IRAK1BP1: variants seen among roughly 807,000 people sequenced by gnomAD.
The protein encoded by IRAK1BP1 is interleukin 1 receptor associated kinase 1 binding protein 1, also known as interleukin-1 receptor-associated kinase 1-binding protein 1.
IRAK1BP1 carries 24 observed loss-of-function variants against 28.0 expected under a neutral mutation model. The observed-to-expected ratio is 0.86, with a 90% CI of 0.62 to 1.20. The LOEUF is 1.20. IRAK1BP1 is among the 50% of genes most tolerant of loss of function. The probability of loss-of-function intolerance (pLI) is 0.00; values close to 1 mark genes in which losing one functional copy is unlikely to be tolerated. For missense variants in IRAK1BP1, 336 were observed against 316.7 expected (o/e 1.06, Z -0.46); for synonymous variants, 131 against 116.3 (o/e 1.13, Z -0.81).
intron 4 of IRAK1BP1, among the ~76,000 whole-genome samples, chr6:78,932,181 G>A (rs529184156): frequency 5.6e-4 from 85 of 152,150 alleles, no homozygotes; most frequent in African/African-American, 2.0e-3. Flanking sequence ...CTATTTCCAT[G>A]TCTGCAGTGA....
At chr6:78,891,391 T>A (rs1771655412) in intron 2 of IRAK1BP1, among the ~76,000 whole-genome samples, 1 of 152,202 alleles carries the variant, frequency 6.6e-6, no homozygotes, top group Non-Finnish European at 1.5e-5. Context: ...AATCCTAGCT[T>A]TGTGATTCCT....
the IRAK1BP1 span, among the ~76,000 whole-genome samples, chr6:78,973,789 A>G: frequency 3.3e-5 from 5 of 151,988 alleles, no homozygotes; most frequent in African/African-American, 1.2e-4. Context: ...AGGCCATTAC[A>G]TAATGGTAAA....
At chr6:78,879,750 C>G (rs9361460) in intron 1 of IRAK1BP1, among the ~76,000 whole-genome samples, 71,275 of 152,010 alleles carry the variant, frequency 0.47, 17,131 homozygotes, top group East Asian at 0.69. Flanking sequence ...GTCAGTAGTA[C>G]ATGTCAGTCC....
At chr6:78,965,689 T>C in the IRAK1BP1 span, 2 of 1,452,378 alleles carry the variant, frequency 1.4e-6, no homozygotes, top group Middle Eastern at 1.8e-4. Context: ...ACAAAAAGCC[T>C]AACACACACT....
chr6:78,887,175 C>T, intron 2 of IRAK1BP1, among the ~76,000 whole-genome samples: 1 of 152,094 alleles, frequency 6.6e-6, no homozygotes, highest in South Asian at 2.1e-4. Context: ...TAGACTTATA[C>T]AACTCAGTAG....
chr6:78,963,088 T>G, the IRAK1BP1 span: 1 of 1,575,152 alleles, frequency 6.3e-7, no homozygotes, highest in South Asian at 1.2e-5. Context: ...CGCGTGTTGC[T>G]TTACTTACCT....
chr6:78,946,263 G>A (rs780190546), exon 5 of IRAK1BP1: 2 of 1,610,196 alleles, frequency 1.2e-6, no homozygotes, highest in South Asian at 2.2e-5. Flanking sequence ...TTTCAGGGCT[G>A]TAAATAAAAT....
At chr6:78,930,578 T>C (rs1773016190) in intron 4 of IRAK1BP1, among the ~76,000 whole-genome samples, 1 of 152,150 alleles carries the variant, frequency 6.6e-6, no homozygotes, top group South Asian at 2.1e-4. Flanking sequence ...AATTTTTGAT[T>C]AATATAGGTA....
rs930837048 is a variant in IRAK1BP1 at position 78,893,599 on chromosome 6, T to C, written c.382-4230T>C. On this transcript the variant is annotated intron_variant, in intron 2 of 3. Transcript: ENST00000369940. ...ATATAAATCTCTTTAGAAATCTCTA[T>C]ATTTATATAAAAGATAACTGACTAG... Among the ~76,000 whole-genome samples the C allele has an allele frequency of 7.2e-5, 11 of 152,038 alleles. No individual in the cohort carries two copies. The South Asian group carries it at 1.4e-3, about 20-fold the overall frequency.
At chr6:78,871,148 G>C in intron 1 of IRAK1BP1, 9 of 459,504 alleles carry the variant, frequency 2.0e-5, no homozygotes, top group Non-Finnish European at 2.6e-5. Flanking sequence ...CAAGGAGCCA[G>C]TAGATTTGGT....
intron 2 of IRAK1BP1, among the ~76,000 whole-genome samples, chr6:78,896,331 G>GAAAAAAAAA (rs35774009): frequency 1.1e-5 from 1 of 93,040 alleles, no homozygotes. Context: ...AACCTAAATG[G>GAAAAAAAAA]AAAAAAAAAA....
At position 78,887,854 on chromosome 6, in the gene IRAK1BP1, T is replaced by C. The variant is rs191150983; in HGVS notation, c.381+2411T>C. On this transcript the variant is annotated intron_variant, in intron 2 of 3. Transcript: ENST00000369940. ...ATGACCCAGCAATCCCACTCCTGGG[T>C]GTATATCCAAAAGAACTGACATCAG... 2.0e-4 allele frequency among the ~76,000 whole-genome samples: 30 copies of C among 152,268 alleles called. No individual in the cohort carries two copies. In the East Asian group the frequency reaches 5.6e-3, roughly 28 times the overall value.
At chr6:78,910,365 G>C (rs958955758) in intron 4 of IRAK1BP1, among the ~76,000 whole-genome samples, 1 of 152,150 alleles carries the variant, frequency 6.6e-6, no homozygotes. Flanking sequence ...CATAGTCCAG[G>C]ATATTTTGGA....
chr6:78,950,211 C>CCTTGTAT (rs1774066072), downstream of IRAK1BP1, among the ~76,000 whole-genome samples: 1 of 152,160 alleles, frequency 6.6e-6, no homozygotes, highest in Non-Finnish European at 1.5e-5. Flanking sequence ...ACTGAACCAT[C>CCTTGTAT]CTTGTATCTC....
chr6:78,897,836 T>A lies in IRAK1BP1; in HGVS notation c.389T>A (p.Ile130Asn). The A allele has an allele frequency of 3.7e-6, 6 of 1,612,560 alleles. No homozygotes were observed. Among genetic ancestry groups the A allele is most frequent in the Non-Finnish European group, 5.1e-6 (6 of 1,179,070 alleles). Residue 130 changes from isoleucine (I) to asparagine (N), a missense_variant, in exon 3 of 4, where the codon ATT (isoleucine) becomes AAT (asparagine). Physicochemically the swap from Ile to Asn is moderately radical, Grantham distance 149. Transcript: ENST00000369940. ...NAYHMEAEVC[I>N]TFTEFGKMQN... ...GTGTCATTTCATTTACAGGTCTGCA[T>A]TACATTTACTGAATTTGGAAAAATG...
chr6:78,913,936 G>A (rs1772490887), intron 4 of IRAK1BP1, among the ~76,000 whole-genome samples: 1 of 152,162 alleles, frequency 6.6e-6, no homozygotes, highest in Non-Finnish European at 1.5e-5. Context: ...AACCACATAT[G>A]ACAGAATATA....
intron 4 of IRAK1BP1, among the ~76,000 whole-genome samples, chr6:78,920,911 A>C (rs1260495399): frequency 1.3e-5 from 2 of 152,220 alleles, no homozygotes; most frequent in Non-Finnish European, 2.9e-5. Flanking sequence ...AGTATGTAGA[A>C]TCTATAAGGA....
chr6:78,885,150 A>T (rs1164461458), intron 1 of IRAK1BP1, among the ~76,000 whole-genome samples: 1 of 152,138 alleles, frequency 6.6e-6, no homozygotes, highest in African/African-American at 2.4e-5. Context: ...TGAAAAGAAT[A>T]AAACTATTTT....
intron 4 of IRAK1BP1, among the ~76,000 whole-genome samples, chr6:78,922,464 C>CA (rs1357560235): frequency 1.3e-5 from 2 of 152,126 alleles, no homozygotes; most frequent in African/African-American, 4.8e-5. Context: ...ACCTGAAAGT[C>CA]ACGGGGAGAA....
Sources: gnomAD v4.1 joint callset for allele counts (sites outside exome capture counted in the v4.1 genomes callset) on GRCh38, gnomAD v4.1.1 for gene constraint, MANE v1.5 for transcripts, NCBI Gene and HGNC (gene_info 2026-07-23, HGNC 2026-07-21) for gene names.